Variants in MYOM2 observed in about 807,000 individuals in gnomAD.
MYOM2 encodes myomesin 2, also known as myomesin-2.
In MYOM2, 254 loss-of-function variants were observed where a neutral mutation model predicts 187.6. The observed-to-expected ratio is 1.35, with a 90% CI of 1.22 to 1.50. MYOM2 has a LOEUF of 1.50. MYOM2 is among the 40% of genes most tolerant of loss of function. The pLI, the probability that MYOM2 is intolerant of heterozygous loss-of-function variation, is 0.00. For missense variants in MYOM2, 2,796 were observed against 1,924.0 expected, an observed-to-expected ratio of 1.45 and a Z score of -8.48; for synonymous variants, 981 against 753.8, an observed-to-expected ratio of 1.30 and a Z score of -4.94.
At position 2,109,165 on chromosome 8, in the gene MYOM2, C is replaced by T. The variant is rs1007324669; in HGVS notation, c.3044-230C>T. On this transcript the variant is annotated intron_variant, in intron 24 of 36. Coordinates refer to ENST00000262113, the MANE Select transcript of MYOM2 (RefSeq NM_003970.4). ...AAAGAATCCAGGCATCTTTACTTAT[C>T]GAACACATTTGCAAAGCTAACTGAG... is the stretch of plus-strand genomic sequence containing the variant. The T allele has an allele frequency of 1.9e-5, 10 of 536,334 alleles. No homozygotes were observed. The Admixed American group carries it at 2.2e-4, about 12-fold the overall frequency. The allele number at this position is 536,334 out of a possible 1,614,324, so 33.2% of individuals were successfully genotyped here.
Position 2,069,383 on chromosome 8 carries a change from C to G in MYOM2, c.742+17C>G, listed in dbSNP as rs756733865. The G allele has an allele frequency of 6.2e-7, 1 of 1,613,944 alleles. No individual in the cohort carries two copies. The highest frequency in any genetic ancestry group is 8.5e-7 in the Non-Finnish European group (1 of 1,179,816). Reference sequence around the variant, plus strand: ...TGGTGAGAAGTGAGTGCCGGGTGGGCTTTCACGGGGCACCTCCCGCCTCCT... The same window carrying G: ...TGGTGAGAAGTGAGTGCCGGGTGGGGTTTCACGGGGCACCTCCCGCCTCCT... On this transcript the variant is annotated intron_variant, in intron 7 of 36. Coordinates refer to ENST00000262113, the MANE Select transcript of MYOM2 (RefSeq NM_003970.4).
chr8:2,122,908 G>C (rs935054756), intron 28 of MYOM2, among the ~76,000 whole-genome samples: 2 of 152,118 alleles, frequency 1.3e-5, no homozygotes, highest in African/African-American at 4.8e-5. Context: ...CTATTATTCA[G>C]AAATCCCCAT....
At chr8:2,125,330 A>G (rs1797598671) in intron 31 of MYOM2, among the ~76,000 whole-genome samples, 1 of 152,162 alleles carries the variant, frequency 6.6e-6, no homozygotes, top group Non-Finnish European at 1.5e-5. Context: ...TTCCAGCACC[A>G]CTGATTAAAG....
At chr8:2,083,594 G>A (rs988938068) in intron 13 of MYOM2, among the ~76,000 whole-genome samples, 16 of 152,188 alleles carry the variant, frequency 1.1e-4, no homozygotes, top group Admixed American at 1.0e-3. Flanking sequence ...TGTGCCTAGT[G>A]GTGTCTCATG....
intron 25 of MYOM2, among the ~76,000 whole-genome samples, chr8:2,113,382 C>T (rs762173753): frequency 6.6e-6 from 1 of 152,172 alleles, no homozygotes; most frequent in Non-Finnish European, 1.5e-5. Flanking sequence ...TTAGCACATC[C>T]CAAAGGCTGA....
At chr8:2,065,863 G>C (rs768102725) in intron 6 of MYOM2, among the ~76,000 whole-genome samples, 9 of 151,798 alleles carry the variant, frequency 5.9e-5, no homozygotes, top group Admixed American at 4.6e-4. Flanking sequence ...GATGAGCTGA[G>C]TCTACACTGA....
In MYOM2 at chr8:2,052,330, C is replaced by T; in HGVS notation, c.263+17C>T. ...CAGAAGCAGGTGAGCACATGGCTTC[C>T]CTGACTCCACTTGTGCCCTGCGTGG... On this transcript the variant is annotated intron_variant, in intron 3 of 36. Transcript: ENST00000262113. The T allele has an allele frequency of 6.3e-7, 1 of 1,585,578 alleles. No individual in the cohort carries two copies. Among genetic ancestry groups the T allele is most frequent in the South Asian group, 1.1e-5 (1 of 87,400 alleles).
intron 32 of MYOM2, among the ~76,000 whole-genome samples, chr8:2,136,597 C>T (rs918219883): frequency 3.3e-5 from 5 of 152,124 alleles, no homozygotes; most frequent in Non-Finnish European, 5.9e-5. Flanking sequence ...AGGCCTAGGG[C>T]CGTCAGCATG....
chr8:2,120,422 G>T (rs1797385208), intron 28 of MYOM2, among the ~76,000 whole-genome samples: 1 of 151,372 alleles, frequency 6.6e-6, no homozygotes, highest in Non-Finnish European at 1.5e-5. Context: ...GTCAGGTGGG[G>T]ACCTGCCGTG....
rs71211554 is a variant in MYOM2 at position 2,100,129 on chromosome 8, T to TTTCCTTCCTTCCTTCC, written c.2441-702_2441-687dup. On this transcript the variant is annotated intron_variant, in intron 19 of 36. Coordinates refer to ENST00000262113, the MANE Select transcript of MYOM2 (RefSeq NM_003970.4). ...CCTTCTTTCTTTCCTTCCTTCCTTC[T>TTTCCTTCCTTCCTTCC]TTCCTTCCTTCCTTCCTTCCTTCCT... Among the ~76,000 whole-genome samples, 131 of 45,502 alleles carry TTTCCTTCCTTCCTTCC rather than the reference T, an allele frequency of 2.9e-3. 3 individuals carry two copies. Among genetic ancestry groups the TTTCCTTCCTTCCTTCC allele is most frequent in the African/African-American group, 3.8e-3 (46 of 12,260 alleles). 29.9% of individuals were successfully genotyped at this position (45,502 alleles called of 152,430 possible). A position where few individuals can be genotyped will look rare whatever the true frequency, so the allele number is the denominator to read the frequency against.
chr8:2,098,440 C>A lies in MYOM2; in HGVS notation c.2314-417C>A, dbSNP rs530972943. ...TGGTGGGCTCCGTCTCCAGGGTGAC[C>A]CCCCTTGGGTGCAGGGCAGGGCCCG... On this transcript the variant is annotated intron_variant, in intron 18 of 36. Transcript: ENST00000262113. 1.9e-3 allele frequency among the ~76,000 whole-genome samples: 289 copies of A among 152,278 alleles called. 1 individual carries two copies. Among genetic ancestry groups the A allele is most frequent in the African/African-American group, 6.7e-3 (277 of 41,566 alleles).
rs759372336 is a variant in MYOM2 at position 2,116,263 on chromosome 8, C to T, written c.3373C>T (p.Leu1125Phe). The change falls in exon 27 of 37, where the codon CTC becomes TTC. Residue 1125 changes from leucine to phenylalanine, a missense_variant. By Grantham distance (22) the Leu-to-Phe change is conservative. Transcript: ENST00000262113. ...EEAEFQRKEFLRKQGPHFAEY... is the reference protein window; with the variant it reads ...EEAEFQRKEFFRKQGPHFAEY... ...GGCTGAGTTTCAAAGGAAAGAATTT[C>T]TCAGGAAACAAGGTGAGTTTCCTCA... The T allele has an allele frequency of 2.5e-6, 4 of 1,612,912 alleles. No individual in the cohort carries two copies. Among genetic ancestry groups the T allele is most frequent in the Non-Finnish European group, 3.4e-6 (4 of 1,179,432 alleles).
At chr8:2,085,452 C>CCTG in intron 14 of MYOM2, 62 bp downstream of exon 14, 1 of 1,573,550 alleles carries the variant, frequency 6.4e-7, no homozygotes, top group Non-Finnish European at 8.6e-7. Context: ...CTGTCATGAT[C>CCTG]TCTGCGTGGC....
chr8:2,115,877 C>G, intron 25 of MYOM2, 83 bp from the exon 26 acceptor site: 1 of 1,442,740 alleles, frequency 6.9e-7, no homozygotes, highest in South Asian at 1.3e-5. Flanking sequence ...GATCTCATGG[C>G]TGATGCAATT....
chr8:2,062,896 T>C (rs1818896965), intron 6 of MYOM2, among the ~76,000 whole-genome samples: 1 of 152,216 alleles, frequency 6.6e-6, no homozygotes, highest in South Asian at 2.1e-4. Flanking sequence ...ACATCGGTGT[T>C]GGCAACATTT....
intron 2 of MYOM2, 47 bp from the exon 3 acceptor site, chr8:2,052,111 T>C: frequency 6.2e-7 from 1 of 1,607,186 alleles, no homozygotes; most frequent in Non-Finnish European, 8.5e-7. Flanking sequence ...TAAATTTCCA[T>C]ACTGTGCCTG....
Position 2,123,607 on chromosome 8 carries a change from G to A in MYOM2, c.3620G>A (p.Gly1207Asp). The A allele has an allele frequency of 1.9e-6, 3 of 1,614,158 alleles. No homozygotes were observed. The highest frequency in any genetic ancestry group is 2.5e-6 in the Non-Finnish European group (3 of 1,180,016). Residue 1207 changes from glycine to aspartate, a missense_variant, in exon 30 of 37, where the codon GGC (glycine) becomes GAC (aspartate). Coordinates refer to ENST00000262113, the MANE Select transcript of MYOM2 (RefSeq NM_003970.4). ...AAGGCAACCTTGAAAGATGACAGAG[G>A]CCAAGATGTGTCCATCCTTGAAATA... ...EYKATLKDDR[G>D]QDVSILEIAG...
At chr8:2,070,398 G>A (rs886581012) in intron 8 of MYOM2, among the ~76,000 whole-genome samples, 1 of 152,316 alleles carries the variant, frequency 6.6e-6, no homozygotes, top group East Asian at 1.9e-4. Flanking sequence ...CGCGATTTCT[G>A]TGTGACTTTT....
intron 27 of MYOM2, among the ~76,000 whole-genome samples, chr8:2,116,902 C>T (rs887919551): frequency 1.3e-4 from 19 of 150,956 alleles, no homozygotes; most frequent in East Asian, 3.9e-4. Context: ...GGACTACAGG[C>T]GCCCGCCACT....
Sources: gnomAD v4.1 joint callset for allele counts (sites outside exome capture counted in the v4.1 genomes callset) on GRCh38, gnomAD v4.1.1 for gene constraint, MANE v1.5 for transcripts, NCBI Gene and HGNC (gene_info 2026-07-23, HGNC 2026-07-21) for gene names.